Variants in MICALL1 observed in about 807,000 individuals in gnomAD.
The protein encoded by MICALL1 is MICAL-like protein 1.
Under a neutral mutation model 83.7 loss-of-function variants are expected in MICALL1, and 61 were observed. The ratio of observed to expected loss-of-function variants is 0.73; its 90% CI spans 0.59 to 0.90. The LOEUF (loss-of-function observed/expected upper bound fraction) is 0.90, where lower values mean the gene tolerates loss of function less well. Among genes scored for constraint, MICALL1 ranks in the 40% least tolerant of loss-of-function variants. MICALL1 has a pLI of 0.00. For missense variants in MICALL1, 1,066 were observed against 1,152.0 expected (o/e 0.93, Z 1.08); for synonymous variants, 481 against 473.6 (o/e 1.02, Z -0.20).
chr22:37,911,822 G>T lies in MICALL1; in HGVS notation c.147-130G>T. On this transcript the variant is annotated intron_variant, in intron 1 of 15. Coordinates refer to ENST00000215957, the MANE Select transcript of MICALL1 (RefSeq NM_033386.4). Reference sequence around the variant, plus strand: ...TTAGTAATCCACAGACTCCCCCCCAGCAACCCTGCTGAGGTTGATGCTGGC... The same window carrying T: ...TTAGTAATCCACAGACTCCCCCCCATCAACCCTGCTGAGGTTGATGCTGGC... 4.6e-6 allele frequency: 4 copies of T among 861,484 alleles called. No homozygotes were observed. The South Asian group carries it at 5.8e-5, about 12-fold the overall frequency. The allele number at this position is 861,484 out of a possible 1,614,324, so 53.4% of individuals were successfully genotyped here. A position where few individuals can be genotyped will look rare whatever the true frequency, so the allele number is the denominator to read the frequency against.
Position 37,925,874 on chromosome 22 carries a change from GGAC to G in MICALL1, c.1297_1299del (p.Asp433del), listed in dbSNP as rs1569143803. 3.7e-6 allele frequency: 6 copies of G among 1,613,584 alleles called. No homozygotes were observed. The highest frequency in any genetic ancestry group is 1.7e-4 in the Middle Eastern group (1 of 6,054). ...ATAACCCCTTTGAGGAGGAGGAGGAGGACAAGGAGGAAGAGGCTCCAGCTGCAC... is the reference window on the plus strand; with the variant it reads ...ATAACCCCTTTGAGGAGGAGGAGGAGAAGGAGGAAGAGGCTCCAGCTGCAC... On this transcript the variant is annotated inframe_deletion, in exon 8 of 16. Coordinates refer to ENST00000215957, the MANE Select transcript of MICALL1 (RefSeq NM_033386.4).
At chr22:37,922,516 C>T (rs1929116705) in intron 6 of MICALL1, 90 bp downstream of exon 6, 2 of 999,962 alleles carry the variant, frequency 2.0e-6, no homozygotes, top group Non-Finnish European at 2.8e-6. Flanking sequence ...TGGTGGGCCC[C>T]TCTCCATCTG....
chr22:37,923,708 A>T (rs956726194), intron 6 of MICALL1, among the ~76,000 whole-genome samples: 3 of 152,156 alleles, frequency 2.0e-5, no homozygotes, highest in Admixed American at 1.3e-4. Context: ...GTGTGTAGTA[A>T]GTGCCACTCT....
At chr22:37,919,294 A>G in intron 5 of MICALL1, 116 bp downstream of exon 5, 5 of 1,270,420 alleles carry the variant, frequency 3.9e-6, no homozygotes, top group Non-Finnish European at 5.1e-6. Context: ...CCCCTGGCTT[A>G]TCCCCATTTT....
At chr22:37,934,568 A>AT (rs997079215) in intron 13 of MICALL1, among the ~76,000 whole-genome samples, 1 of 119,940 alleles carries the variant, frequency 8.3e-6, no homozygotes, top group African/African-American at 2.7e-5. Context: ...TTATTTATTT[A>AT]TTTTGGGGGG....
rs1929557340 is a variant in MICALL1 at position 37,927,762 on chromosome 22, TGTTG to T, written c.1823_1826del (p.Val608GlufsTer18). The T allele has an allele frequency of 9.9e-6, 16 of 1,613,604 alleles. No individual in the cohort carries two copies. In the East Asian group the frequency reaches 3.6e-4, roughly 36 times the overall value. On this transcript the variant is annotated frameshift_variant, in exon 9 of 16. Coordinates refer to ENST00000215957, the MANE Select transcript of MICALL1 (RefSeq NM_033386.4). LOFTEE classifies it high-confidence loss of function. Reference sequence around the variant, plus strand: ...AGTGGCGCCACCCCAACGCCTCTCTTGTTGGTTGGAGACAGGAGCCCGGTGCCTT... The same window carrying T: ...AGTGGCGCCACCCCAACGCCTCTCTTGTTGGAGACAGGAGCCCGGTGCCTT...
At position 37,919,194 on chromosome 22, in the gene MICALL1, C is replaced by T. The variant is rs138781090; in HGVS notation, c.569+16C>T. 8.9e-4 allele frequency: 1,347 copies of T among 1,507,372 alleles called. 7 individuals carry two copies. In the African/African-American group the frequency reaches 0.013, roughly 15 times the overall value. The allele number at this position is 1,507,372 out of a possible 1,614,324, so 93.4% of individuals were successfully genotyped here. A position where few individuals can be genotyped will look rare whatever the true frequency, so the allele number is the denominator to read the frequency against. Reference sequence around the variant, plus strand: ...ACTGCTTCCGGTGAGTGGCCAGGGCCGCGTGTTACCCCCGAAACCAGGGAG... The same window carrying T: ...ACTGCTTCCGGTGAGTGGCCAGGGCTGCGTGTTACCCCCGAAACCAGGGAG... On this transcript the variant is annotated intron_variant, in intron 5 of 15. Coordinates refer to ENST00000215957, the MANE Select transcript of MICALL1 (RefSeq NM_033386.4).
chr22:37,927,966 G>C (rs1929572479), intron 9 of MICALL1, 140 bp downstream of exon 9: 2 of 944,032 alleles, frequency 2.1e-6, no homozygotes, highest in Admixed American at 5.9e-5. Context: ...GGAGTGCAGT[G>C]GCGCGATCTT....
chr22:37,932,442 G>A lies in MICALL1; in HGVS notation c.2017-111G>A. On this transcript the variant is annotated intron_variant, in intron 10 of 15. Transcript: ENST00000215957. The surrounding 1 kb of genome is among the most constrained non-coding windows in gnomAD (Gnocchi z 4.4). Reference sequence around the variant, plus strand: ...TGCCTTCTTACCATGCTGGGGTGGGGGACAGGGCCCGGGCCCTGGAGCCAC... The same window carrying A: ...TGCCTTCTTACCATGCTGGGGTGGGAGACAGGGCCCGGGCCCTGGAGCCAC... The A allele has an allele frequency of 6.7e-7, 1 of 1,501,730 alleles. No individual in the cohort carries two copies. 93.0% of individuals were successfully genotyped at this position (1,501,730 alleles called of 1,614,324 possible). A position where few individuals can be genotyped will look rare whatever the true frequency, so the allele number is the denominator to read the frequency against.
At position 37,912,530 on chromosome 22, in the gene MICALL1, AG is replaced by A. The variant is rs767759971; in HGVS notation, c.337+43del. 1.6e-5 allele frequency: 25 copies of A among 1,556,708 alleles called. No individual in the cohort carries two copies. In the South Asian group the frequency reaches 2.6e-4, roughly 16 times the overall value. On this transcript the variant is annotated intron_variant, in intron 3 of 15. Coordinates refer to ENST00000215957, the MANE Select transcript of MICALL1 (RefSeq NM_033386.4). Reference sequence around the variant, plus strand: ...CTCAGCGTTTCACGGAGGCTGGCCCAGGGGGTGGCCCTGGGGATGTCTGATG... The same window carrying A: ...CTCAGCGTTTCACGGAGGCTGGCCCAGGGGTGGCCCTGGGGATGTCTGATG...
At chr22:37,923,096 A>C (rs1006867123) in intron 6 of MICALL1, among the ~76,000 whole-genome samples, 1 of 145,884 alleles carries the variant, frequency 6.9e-6, no homozygotes, top group Non-Finnish European at 1.5e-5. Flanking sequence ...CAGCCTGGCT[A>C]ATTTTTGTAT....
Position 37,927,799 on chromosome 22 carries a change from A to C in MICALL1, c.1854A>C (p.Gly618=). ...ACAGGAGCCCGGTGCCTTCCCCTGG[A>C]AGCTCGTCCCCACAGCTGCAGGTAA... is the stretch of plus-strand genomic sequence containing the variant. ...VGDRSPVPSP[G]SSSPQLQVKS... The change falls in exon 9 of 16, where the codon GGA becomes GGC. Residue 618 remains glycine, a synonymous_variant. Transcript: ENST00000215957. The C allele has an allele frequency of 6.2e-7, 1 of 1,610,198 alleles. No homozygotes were observed. Among genetic ancestry groups the C allele is most frequent in the Non-Finnish European group, 8.5e-7 (1 of 1,177,778 alleles).
At position 37,906,593 on chromosome 22, in the gene MICALL1, G is replaced by C; in HGVS notation, c.146+25G>C. On this transcript the variant is annotated intron_variant, in intron 1 of 15. Coordinates refer to ENST00000215957, the MANE Select transcript of MICALL1 (RefSeq NM_033386.4). This position sits in a 1 kb window ranked among gnomAD's most constrained non-coding sequence, Gnocchi z 4.4. Reference sequence around the variant, plus strand: ...TGTGAGTGCGGGGCCCCGGGCGAGCGGGCGGCGCGGGGCGGGCTGGGGCCG... The same window carrying C: ...TGTGAGTGCGGGGCCCCGGGCGAGCCGGCGGCGCGGGGCGGGCTGGGGCCG... 8.6e-7 allele frequency: 1 copy of C among 1,157,346 alleles called. No homozygotes were observed. Among genetic ancestry groups the C allele is most frequent in the South Asian group, 4.2e-5 (1 of 23,650 alleles). 71.7% of individuals were successfully genotyped at this position (1,157,346 alleles called of 1,614,324 possible). A position where few individuals can be genotyped will look rare whatever the true frequency, so the allele number is the denominator to read the frequency against.
At chr22:37,912,947 CA>C (rs1928432991) in intron 3 of MICALL1, among the ~76,000 whole-genome samples, 1 of 150,916 alleles carries the variant, frequency 6.6e-6, no homozygotes, top group Non-Finnish European at 1.5e-5. Context: ...AGGCGTGAGC[CA>C]CTGTGCCCAG....
chr22:37,918,886 C>T (rs1313228836), intron 4 of MICALL1, 150 bp from the exon 5 acceptor site: 1 of 991,160 alleles, frequency 1.0e-6, no homozygotes, highest in African/African-American at 1.7e-5. Context: ...TCTGCCCCTC[C>T]TGGGGCCCTG....
chr22:37,935,212 G>A (rs1179998293), intron 13 of MICALL1, among the ~76,000 whole-genome samples: 11 of 151,164 alleles, frequency 7.3e-5, no homozygotes, highest in South Asian at 6.3e-4. Context: ...GATTACAGGC[G>A]TGAGCCACCG....
chr22:37,911,421 G>C (rs1188303183), intron 1 of MICALL1, among the ~76,000 whole-genome samples: 2 of 152,252 alleles, frequency 1.3e-5, no homozygotes, highest in African/African-American at 4.8e-5. Context: ...TGAGCAGTGG[G>C]AGGGCCAGAC....
chr22:37,911,974 G>T lies in MICALL1; in HGVS notation c.169G>T (p.Asp57Tyr). The T allele has an allele frequency of 6.2e-7, 1 of 1,614,110 alleles. No individual in the cohort carries two copies. The highest frequency in any genetic ancestry group is 8.5e-7 in the Non-Finnish European group (1 of 1,180,034). Reference protein sequence around the residue: ...DLLDFDSLSKDNVFENNRLAF... With the variant: ...DLLDFDSLSKYNVFENNRLAF... Reference sequence around the variant, plus strand: ...CAGAGATTTTGATTCGCTTTCCAAGGACAATGTCTTCGAGAATAACCGTTT... The same window carrying T: ...CAGAGATTTTGATTCGCTTTCCAAGTACAATGTCTTCGAGAATAACCGTTT... Residue 57 changes from aspartate (D) to tyrosine (Y), a missense_variant, in exon 2 of 16, where the codon GAC becomes TAC. Physicochemically the swap from Asp to Tyr is radical, Grantham distance 160. Transcript: ENST00000215957.
At chr22:37,926,089 TGGGGCCCGGGCCTGGGGA>T in intron 8 of MICALL1, 46 bp downstream of exon 8, 2 of 1,503,688 alleles carry the variant, frequency 1.3e-6, no homozygotes, top group Non-Finnish European at 1.8e-6. Context: ...AACTCGGGGG[TGGGGCCCGGGCCTGGGGA>T]GGGGGTGTGG....
Sources: allele counts gnomAD v4.1 joint callset (sites outside exome capture counted in the v4.1 genomes callset), GRCh38; gene constraint gnomAD v4.1.1; non-coding constraint Gnocchi (gnomAD v3.1); transcripts MANE v1.5; gene names NCBI Gene and HGNC (gene_info 2026-07-23, HGNC 2026-07-21).